Variants in ASAP1 observed in about 807,000 individuals in gnomAD.
The protein encoded by ASAP1 is arf-GAP with SH3 domain, ANK repeat and PH domain-containing protein 1.
A neutral mutation model predicts 145.2 loss-of-function variants in ASAP1; 43 were observed. The ratio of observed to expected loss-of-function variants is 0.30; its 90% CI spans 0.23 to 0.38. ASAP1 has a LOEUF of 0.38. Among genes scored for constraint, ASAP1 ranks in the 10% least tolerant of loss-of-function variants. ASAP1 has a pLI of 1.00. For synonymous variants in ASAP1, 546 were observed against 515.5 expected (o/e 1.06, Z -0.80); for missense variants, 1,018 against 1,355.3 (o/e 0.75, Z 3.91).
chr8:130,264,474 T>C (rs1820124878), intron 3 of ASAP1, among the ~76,000 whole-genome samples: 1 of 152,198 alleles, frequency 6.6e-6, no homozygotes, highest in South Asian at 2.1e-4. Context: ...CCTGCTTAGA[T>C]ACCAATAGTG....
intron 11 of ASAP1, chr8:130,163,211 C>G (rs1418428380): frequency 6.6e-6 from 1 of 152,234 alleles, no homozygotes; most frequent in East Asian, 1.9e-4. Context: ...TATCTCTAAT[C>G]TTAACCTTTG....
At chr8:130,223,299 C>T (rs370075900) in intron 4 of ASAP1, among the ~76,000 whole-genome samples, 9 of 152,136 alleles carry the variant, frequency 5.9e-5, no homozygotes, top group African/African-American at 2.2e-4. Context: ...GGGTCTGAAT[C>T]CCCACTCTGG....
intron 29 of ASAP1, among the ~76,000 whole-genome samples, chr8:130,055,682 A>G (rs185042522): frequency 1.7e-3 from 263 of 152,314 alleles, no homozygotes; most frequent in African/African-American, 6.2e-3. Context: ...ACCTGTAAAA[A>G]TTTTCTAATT....
chr8:130,254,785 T>G (rs1375058048), intron 3 of ASAP1, among the ~76,000 whole-genome samples: 4 of 152,192 alleles, frequency 2.6e-5, no homozygotes, highest in African/African-American at 9.6e-5. Flanking sequence ...ACACAGGTTT[T>G]CAAGCTATTG....
At chr8:130,160,443 G>A (rs1412777777) in intron 11 of ASAP1, among the ~76,000 whole-genome samples, 1 of 152,172 alleles carries the variant, frequency 6.6e-6, no homozygotes, top group Non-Finnish European at 1.5e-5. Context: ...TCTAAGCAAG[G>A]TTTTAACAAT....
At chr8:130,189,770 C>A (rs1815009276) in intron 5 of ASAP1, among the ~76,000 whole-genome samples, 1 of 152,212 alleles carries the variant, frequency 6.6e-6, no homozygotes, top group African/African-American at 2.4e-5. Context: ...TATATTACCA[C>A]CAACAGCGTA....
chr8:130,191,720 G>C (rs1174561624), intron 5 of ASAP1, among the ~76,000 whole-genome samples: 5 of 152,166 alleles, frequency 3.3e-5, no homozygotes, highest in Non-Finnish European at 4.4e-5. Context: ...CAGCTGTTGT[G>C]AGGATGGAAT....
At chr8:130,364,451 C>T in intron 2 of ASAP1, among the ~76,000 whole-genome samples, 1 of 152,182 alleles carries the variant, frequency 6.6e-6, no homozygotes, top group Non-Finnish European at 1.5e-5. Context: ...AAACCTGAAG[C>T]TTAGAGGTTA....
intron 3 of ASAP1, among the ~76,000 whole-genome samples, chr8:130,255,946 C>G (rs1403749484): frequency 1.3e-5 from 2 of 152,140 alleles, no homozygotes; most frequent in Non-Finnish European, 2.9e-5. Flanking sequence ...AACACCCACT[C>G]CTCCCACACA....
chr8:130,297,031 C>G (rs1822323402), intron 3 of ASAP1, among the ~76,000 whole-genome samples: 1 of 152,168 alleles, frequency 6.6e-6, no homozygotes, highest in Non-Finnish European at 1.5e-5. Flanking sequence ...CATTAAAAAA[C>G]TGATACCAGG....
At chr8:130,390,933 T>TATC (rs1554902141) in intron 2 of ASAP1, among the ~76,000 whole-genome samples, 1 of 133,150 alleles carries the variant, frequency 7.5e-6, no homozygotes, top group African/African-American at 3.2e-5. Flanking sequence ...TGGGTATATA[T>TATC]CCCCCGCCCC....
intron 3 of ASAP1, among the ~76,000 whole-genome samples, chr8:130,338,098 C>T (rs1200855154): frequency 6.6e-6 from 1 of 152,180 alleles, no homozygotes; most frequent in Non-Finnish European, 1.5e-5. Flanking sequence ...ATAAGACGAC[C>T]TAAGGAGCCT....
chr8:130,336,200 G>A (rs1322440363), intron 3 of ASAP1, among the ~76,000 whole-genome samples: 1 of 152,170 alleles, frequency 6.6e-6, no homozygotes, highest in African/African-American at 2.4e-5. Flanking sequence ...TCAACTCAAG[G>A]CAATGATTCC....
rs146952473 is a variant in ASAP1 at position 130,105,038 on chromosome 8, T to C, written c.2401+7056A>G. ...AAGATTTTATCACTTTCTAATAGTT[T>C]TCTTTTTTCAATTTATTTTTAATTG... On this transcript the variant is annotated intron_variant, in intron 24 of 29. Transcript: ENST00000518721. Among the ~76,000 whole-genome samples the C allele has an allele frequency of 8.5e-5, 13 of 152,288 alleles. No homozygotes were observed. The East Asian group carries it at 2.3e-3, about 27-fold the overall frequency.
At chr8:130,065,015 C>T (rs758114246) in intron 27 of ASAP1, among the ~76,000 whole-genome samples, 10 of 151,778 alleles carry the variant, frequency 6.6e-5, no homozygotes, top group Non-Finnish European at 1.0e-4. Flanking sequence ...GCTAGGACTA[C>T]AGGCCTGTGT....
chr8:130,282,609 T>C (rs1168891745), intron 3 of ASAP1, among the ~76,000 whole-genome samples: 1 of 152,216 alleles, frequency 6.6e-6, no homozygotes, highest in East Asian at 1.9e-4. Context: ...CTCTGGCATG[T>C]GTACATCAAC....
At chr8:130,192,148 CAG>C (rs1815182512) in intron 5 of ASAP1, among the ~76,000 whole-genome samples, 1 of 152,062 alleles carries the variant, frequency 6.6e-6, no homozygotes, top group Non-Finnish European at 1.5e-5. Flanking sequence ...GCTGGCATAC[CAG>C]AGAGCTATAG....
rs559829475 is a variant in ASAP1, at chr8:130,224,478, CCTT to C, written c.260-9780_260-9778del. On this transcript the variant is annotated intron_variant, in intron 4 of 29. Transcript: ENST00000518721. The stretch of plus-strand genomic sequence containing the variant: ...CCTTTCCCTTTTTCCAATCCCACCT[CCTT>C]AAGATAAGCAAAGTTAATAATCTGG... Among the ~76,000 whole-genome samples, 606 of 152,164 alleles carry C rather than the reference CCTT, an allele frequency of 4.0e-3. 10 individuals are homozygous for C. Among genetic ancestry groups the C allele is most frequent in the Admixed American group, 0.027 (417 of 15,276 alleles).
chr8:130,240,300 A>T (rs1818446144), intron 3 of ASAP1, among the ~76,000 whole-genome samples: 1 of 152,036 alleles, frequency 6.6e-6, no homozygotes, highest in Non-Finnish European at 1.5e-5. Context: ...TCTAGGTGAC[A>T]CTTCTTTTTT....
Sources: allele counts gnomAD v4.1 joint callset (sites outside exome capture counted in the v4.1 genomes callset), GRCh38; gene constraint gnomAD v4.1.1; transcripts MANE v1.5; gene names NCBI Gene and HGNC (gene_info 2026-07-23, HGNC 2026-07-21).